Variants in RASSF9 observed in about 807,000 individuals in gnomAD.
The protein encoded by RASSF9 is Ras association domain family member 9, also known as ras association domain-containing protein 9.
In RASSF9, 18 loss-of-function variants were observed where a neutral mutation model predicts 21.4. The ratio of observed to expected loss-of-function variants is 0.84; its 90% CI spans 0.58 to 1.25. RASSF9 has a LOEUF of 1.25. Ranked by LOEUF, RASSF9 falls within the 50% of genes most tolerant of loss-of-function variation. RASSF9 has a pLI of 0.00. For synonymous variants in RASSF9, 183 were observed against 179.1 expected (o/e 1.02, Z -0.18); for missense variants, 480 against 503.2 (o/e 0.95, Z 0.44).
intron 1 of RASSF9, among the ~76,000 whole-genome samples, chr12:85,816,430 G>A (rs531935844): frequency 8.6e-5 from 13 of 151,968 alleles, no homozygotes; most frequent in African/African-American, 2.2e-4. Flanking sequence ...GTTTTCAGCC[G>A]AAATTTTCTT....
chr12:85,813,395 T>G (rs1879992954), intron 1 of RASSF9, among the ~76,000 whole-genome samples: 1 of 151,968 alleles, frequency 6.6e-6, no homozygotes, highest in Admixed American at 6.6e-5. Flanking sequence ...TACAATCAAA[T>G]ATACTTTGAA....
chr12:85,805,614 T>G lies in RASSF9; in HGVS notation c.396A>C (p.Lys132Asn). Residue 132 changes from lysine (K) to asparagine (N), a missense_variant, in exon 2 of 2, where the codon AAA (lysine) becomes AAC (asparagine). Transcript: ENST00000361228. ...ACAATTTTTCTGTGTTTTGCACTAA[T>G]TTGGCTTCAGCTGTCCGCCACAAAG... ...PVPLWRTAEA[K>N]LVQNTEKLWE... The G allele has an allele frequency of 6.2e-7, 1 of 1,614,004 alleles. No homozygotes were observed.
intron 1 of RASSF9, among the ~76,000 whole-genome samples, chr12:85,833,820 T>C (rs1044560663): frequency 7.9e-5 from 12 of 152,026 alleles, no homozygotes; most frequent in Admixed American, 6.6e-4. Flanking sequence ...AAATTTTATA[T>C]GTCTGTATTT....
At chr12:85,820,830 C>T (rs969749730) in intron 1 of RASSF9, among the ~76,000 whole-genome samples, 3 of 152,040 alleles carry the variant, frequency 2.0e-5, no homozygotes, top group African/African-American at 4.8e-5. Context: ...ATGATATGTT[C>T]CCCAACTTGT....
At chr12:85,834,772 T>C (rs1880523618) in intron 1 of RASSF9, among the ~76,000 whole-genome samples, 2 of 152,268 alleles carry the variant, frequency 1.3e-5, no homozygotes, top group East Asian at 1.9e-4. Context: ...AAATATCATT[T>C]AAAAAACAGA....
At chr12:85,807,001 A>G (rs1048620625) in intron 1 of RASSF9, among the ~76,000 whole-genome samples, 8 of 152,224 alleles carry the variant, frequency 5.3e-5, no homozygotes, top group African/African-American at 1.7e-4. Flanking sequence ...TGAATATGTA[A>G]CTAATGTAAT....
At chr12:85,834,679 C>T (rs925863438) in intron 1 of RASSF9, among the ~76,000 whole-genome samples, 1 of 151,990 alleles carries the variant, frequency 6.6e-6, no homozygotes, top group Non-Finnish European at 1.5e-5. Context: ...ATTTATGAAA[C>T]CATAAAGTTT....
rs750968641 is a variant in RASSF9 at position 85,805,691 on chromosome 12, G to C, written c.319C>G (p.Gln107Glu). ...ACCAAAACAAATTGCATATTGGGCT[G>C]CTCATCTCCCCACGCTTTCCAAAGC... Reference protein sequence around the residue: ...LKLWKAWGDEQPNMQFVLVKA... With the variant: ...LKLWKAWGDEEPNMQFVLVKA... The change falls in exon 2 of 2, where the codon CAG becomes GAG. Residue 107 changes from glutamine (Q) to glutamate (E), a missense_variant. By Grantham distance (29) the Gln-to-Glu change is conservative. Transcript: ENST00000361228. 43 of 1,613,872 alleles carry C rather than the reference G, an allele frequency of 2.7e-5. No homozygotes were observed. The East Asian group carries it at 6.5e-4, about 24-fold the overall frequency.
chr12:85,823,127 G>C (rs11611664), intron 1 of RASSF9, among the ~76,000 whole-genome samples: 26,032 of 151,110 alleles, frequency 0.17, 2,744 homozygotes, highest in Non-Finnish European at 0.24. Flanking sequence ...GTGAACCTGG[G>C]AGGCGGAGCT....
chr12:85,820,916 T>TGGGCAGATCAC (rs534286403), intron 1 of RASSF9, among the ~76,000 whole-genome samples: 187 of 152,044 alleles, frequency 1.2e-3, no homozygotes, highest in African/African-American at 4.2e-3. Context: ...GAGGCTGAGG[T>TGGGCAGATCAC]GGGCAGATCA....
At chr12:85,816,693 GA>G (rs1196899903) in intron 1 of RASSF9, among the ~76,000 whole-genome samples, 1 of 151,894 alleles carries the variant, frequency 6.6e-6, no homozygotes, top group Non-Finnish European at 1.5e-5. Context: ...ATAATACAGA[GA>G]AAAAAATTGA....
In RASSF9 at chr12:85,802,724, T is replaced by C. The variant is rs547927164; in HGVS notation, c.*1978A>G. 5 of 152,278 alleles carry C rather than the reference T, an allele frequency of 3.3e-5. No homozygotes were observed. The highest frequency in any genetic ancestry group is 2.6e-4 in the Admixed American group (4 of 15,294). 9.4% of individuals were successfully genotyped at this position (152,278 alleles called of 1,614,324 possible). A position where few individuals can be genotyped will look rare whatever the true frequency, so the allele number is the denominator to read the frequency against. On this transcript the variant is annotated 3_prime_UTR_variant, in exon 2 of 2. Coordinates refer to ENST00000361228, the MANE Select transcript of RASSF9 (RefSeq NM_005447.4). ...TAATTCAAAGAGATGACTTCCACTGTAGGAAAATGATACAATGGGTTTATC... is the reference window on the plus strand; with the variant it reads ...TAATTCAAAGAGATGACTTCCACTGCAGGAAAATGATACAATGGGTTTATC...
chr12:85,828,051 G>A (rs1311946297), intron 1 of RASSF9, among the ~76,000 whole-genome samples: 1 of 152,036 alleles, frequency 6.6e-6, no homozygotes, highest in Non-Finnish European at 1.5e-5. Context: ...TAAAATGCTT[G>A]TTTTGTATTT....
intron 1 of RASSF9, among the ~76,000 whole-genome samples, chr12:85,814,795 C>A (rs571996127): frequency 1.6e-4 from 25 of 152,082 alleles, no homozygotes; most frequent in African/African-American, 4.8e-4. Flanking sequence ...CATGGAAAGG[C>A]TTCCATTCAT....
At chr12:85,817,252 A>G (rs1479483095) in intron 1 of RASSF9, among the ~76,000 whole-genome samples, 2 of 152,100 alleles carry the variant, frequency 1.3e-5, no homozygotes, top group Non-Finnish European at 2.9e-5. Flanking sequence ...TGCCATGAAT[A>G]ATCCATTTAG....
In RASSF9 at chr12:85,821,272, A is replaced by G. The variant is rs539999544; in HGVS notation, c.47+14883T>C. On this transcript the variant is annotated intron_variant, in intron 1 of 1. Transcript: ENST00000361228. ...TTTAGGTAAAGCAAATATGCCACAC[A>G]TGAAATAGGAAGCTCTGGCCCAAAA... 3.9e-5 allele frequency among the ~76,000 whole-genome samples: 6 copies of G among 152,374 alleles called. No homozygotes were observed. In the East Asian group the frequency reaches 1.2e-3, roughly 29 times the overall value.
At chr12:85,821,660 A>AGT (rs148251325) in intron 1 of RASSF9, among the ~76,000 whole-genome samples, 193 of 151,414 alleles carry the variant, frequency 1.3e-3, no homozygotes, top group South Asian at 3.1e-3. Context: ...TGTATATACG[A>AGT]GTGTGTGTGT....
At chr12:85,816,506 A>C (rs1880068976) in intron 1 of RASSF9, among the ~76,000 whole-genome samples, 1 of 152,150 alleles carries the variant, frequency 6.6e-6, no homozygotes, top group Admixed American at 6.5e-5. Flanking sequence ...AATTCCCTTC[A>C]AAATTTCAGT....
In RASSF9 at chr12:85,807,727, A is replaced by AG. The variant is rs1235801412; in HGVS notation, c.48-1766dup. ...CTTTTCTCTGTTCTATAGAAGGTCA[A>AG]GGGGAAAAAAACACTTCAGTTCTCT... is the stretch of plus-strand genomic sequence containing the variant. On this transcript the variant is annotated intron_variant, in intron 1 of 1. Coordinates refer to ENST00000361228, the MANE Select transcript of RASSF9 (RefSeq NM_005447.4). 1.2e-4 allele frequency among the ~76,000 whole-genome samples: 19 copies of AG among 152,192 alleles called. No homozygotes were observed. The East Asian group carries it at 1.5e-3, about 12-fold the overall frequency.
Sources: allele counts gnomAD v4.1 joint callset (sites outside exome capture counted in the v4.1 genomes callset), GRCh38; gene constraint gnomAD v4.1.1; transcripts MANE v1.5; gene names NCBI Gene and HGNC (gene_info 2026-07-23, HGNC 2026-07-21).